The following EEF2K variants were observed in gnomAD, a reference collection of about 807,000 sequenced individuals.
EEF2K encodes alternative protein EEF2K.
EEF2K carries 70 observed loss-of-function variants against 93.8 expected under a neutral mutation model. The ratio of observed to expected loss-of-function variants is 0.75; its 90% confidence interval spans 0.62 to 0.91. The LOEUF (loss-of-function observed/expected upper bound fraction) is 0.91, where lower values mean the gene tolerates loss of function less well. EEF2K is among the 40% of genes least tolerant of loss of function. The pLI is 0.00. For synonymous variants in EEF2K, 376 were observed against 380.8 expected (o/e 0.99, Z 0.15); for missense variants, 935 against 972.9 (o/e 0.96, Z 0.52).
At chr16:22,269,236 C>T (rs969740976) in intron 15 of EEF2K, among the ~76,000 whole-genome samples, 2 of 151,994 alleles carry the variant, frequency 1.3e-5, no homozygotes, top group African/African-American at 2.4e-5. Flanking sequence ...CTTGTTTCTT[C>T]GGGCTTCTGG....
chr16:22,233,859 C>T (rs1203269041), intron 2 of EEF2K, among the ~76,000 whole-genome samples: 1 of 152,174 alleles, frequency 6.6e-6, no homozygotes, highest in African/African-American at 2.4e-5. Flanking sequence ...TCAAGTGATC[C>T]TCCCACCTCA....
At chr16:22,235,149 G>A (rs1006789177) in intron 2 of EEF2K, among the ~76,000 whole-genome samples, 1 of 151,846 alleles carries the variant, frequency 6.6e-6, no homozygotes, top group Non-Finnish European at 1.5e-5. Flanking sequence ...GGGAGGCAGA[G>A]ATTGCAGTGA....
At chr16:22,265,671 G>A (rs942448732) in intron 13 of EEF2K, among the ~76,000 whole-genome samples, 2 of 152,272 alleles carry the variant, frequency 1.3e-5, no homozygotes, top group Admixed American at 6.5e-5. Context: ...TCCTTGTTGA[G>A]GGGGCTACCC....
intron 1 of EEF2K, among the ~76,000 whole-genome samples, chr16:22,216,737 A>G (rs761182898): frequency 6.6e-6 from 1 of 152,116 alleles, no homozygotes; most frequent in South Asian, 2.1e-4. Context: ...GTAATAAATA[A>G]ATAAAGGAAC....
At chr16:22,248,641 GAGTGGGTTGGTTCTGAGGTC>G in intron 3 of EEF2K, 94 bp from the exon 4 acceptor site, 1 of 1,279,022 alleles carries the variant, frequency 7.8e-7, no homozygotes, top group South Asian at 1.3e-5. Flanking sequence ...CCAAGGTGGA[GAGTGGGTTGGTTCTGAGGTC>G]AGTGGGGAGC....
intron 4 of EEF2K, 106 bp downstream of exon 4, chr16:22,248,921 T>C: frequency 8.3e-7 from 1 of 1,201,734 alleles, no homozygotes; most frequent in Non-Finnish European, 1.2e-6. Context: ...ATTTAATTTT[T>C]GTAACTTCGG....
At chr16:22,216,367 G>T (rs1231709898) in intron 1 of EEF2K, among the ~76,000 whole-genome samples, 7 of 152,168 alleles carry the variant, frequency 4.6e-5, no homozygotes. Context: ...CACCTGGTGT[G>T]CAGTCAGTCT....
intron 17 of EEF2K, among the ~76,000 whole-genome samples, chr16:22,281,058 C>T (rs2047688588): frequency 6.6e-6 from 1 of 152,100 alleles, no homozygotes; most frequent in South Asian, 2.1e-4. Flanking sequence ...CCTCAGCCTC[C>T]TGCATAGCTG....
At chr16:22,259,097 G>T (rs2047437948) in intron 10 of EEF2K, among the ~76,000 whole-genome samples, 3 of 152,150 alleles carry the variant, frequency 2.0e-5, no homozygotes. Context: ...GTTAAATAGG[G>T]ATTTCACAGG....
Position 22,287,145 on chromosome 16 carries a change from G to A in EEF2K, c.*3149G>A, listed in dbSNP as rs1221410123. 3 of 152,414 alleles carry A rather than the reference G, an allele frequency of 2.0e-5. No homozygotes were observed. Among genetic ancestry groups the A allele is most frequent in the African/African-American group, 7.2e-5 (3 of 41,460 alleles). The allele number at this position is 152,414 out of a possible 1,614,324, so 9.4% of individuals were successfully genotyped here. ...GGAGGCTGAGGTGGGCGGATCACCT[G>A]AAGTCAGCTACTCGGGAGGCTGAGG... On this transcript the variant is annotated 3_prime_UTR_variant, in exon 18 of 18. Transcript: ENST00000263026.
In EEF2K at chr16:22,266,809, C is replaced by T. The variant is rs1416817317; in HGVS notation, c.1697C>T (p.Ala566Val). The T allele has an allele frequency of 6.2e-7, 1 of 1,614,180 alleles. No individual in the cohort carries two copies. Among genetic ancestry groups the T allele is most frequent in the South Asian group, 1.1e-5 (1 of 91,084 alleles). Residue 566 changes from alanine to valine, a missense_variant, in exon 15 of 18, where the codon GCC (alanine) becomes GTC (valine). By Grantham distance (64) the Ala-to-Val change is moderately conservative. Coordinates refer to ENST00000263026, the MANE Select transcript of EEF2K (RefSeq NM_013302.5). The stretch of plus-strand genomic sequence containing the variant: ...GCAGCCAACCTGGGCGAGCTGGAGG[C>T]CATCGTGGGCCTGGGACTCATGTAC... ...EHAANLGELE[A>V]IVGLGLMYSQ...
In EEF2K at chr16:22,280,268, G is replaced by A. The variant is rs746995048; in HGVS notation, c.1960G>A (p.Gly654Ser). 3.9e-5 allele frequency: 63 copies of A among 1,607,296 alleles called. 1 individual carries two copies. The highest frequency in any genetic ancestry group is 1.4e-4 in the East Asian group (6 of 44,250). ...ALEMTDCDEGGEYDGMQDEPR... is the reference protein window; with the variant it reads ...ALEMTDCDEGSEYDGMQDEPR... ...GGAGATGACGGACTGTGATGAGGGC[G>A]GTGAGTACGACGGAATGCAGGACGA... The change falls in exon 17 of 18, where the codon GGT (glycine) becomes AGT (serine). Residue 654 changes from glycine (G) to serine (S), a missense_variant. Physicochemically the swap from Gly to Ser is moderately conservative, Grantham distance 56 (BLOSUM62 0). Coordinates refer to ENST00000263026, the MANE Select transcript of EEF2K (RefSeq NM_013302.5).
intron 15 of EEF2K, among the ~76,000 whole-genome samples, chr16:22,268,248 G>A (rs9939743): frequency 0.071 from 10,795 of 151,772 alleles, 1,257 homozygotes; most frequent in African/African-American, 0.25. Flanking sequence ...GTGCGATCTC[G>A]GCTCAATGCA....
chr16:22,267,455 C>T (rs1008616871), intron 15 of EEF2K, among the ~76,000 whole-genome samples: 4 of 151,948 alleles, frequency 2.6e-5, no homozygotes, highest in African/African-American at 4.8e-5. Context: ...GTTAGCCGGA[C>T]GTGGTGGCAC....
chr16:22,219,128 G>A (rs2046988774), intron 1 of EEF2K, among the ~76,000 whole-genome samples: 1 of 152,088 alleles, frequency 6.6e-6, no homozygotes. Context: ...ACCCCTAGGA[G>A]GCTGGGCATC....
Position 22,257,255 on chromosome 16 carries a change from C to T in EEF2K, c.771C>T (p.Ala257=), listed in dbSNP as rs755634334. The change falls in exon 8 of 18, where the codon GCC becomes GCT. Residue 257 remains alanine, a splice_region_variant and synonymous_variant. Coordinates refer to ENST00000263026, the MANE Select transcript of EEF2K (RefSeq NM_013302.5). ...RDDNIRLTPQ[A]FSHFTFERSG... The stretch of plus-strand genomic sequence containing the variant: ...GTTTTCCTTCCTGTCCCCTGTAGGC[C>T]TTCAGCCACTTCACTTTTGAGCGTT... 2 of 1,614,182 alleles carry T rather than the reference C, an allele frequency of 1.2e-6. No individual in the cohort carries two copies. Among genetic ancestry groups the T allele is most frequent in the Admixed American group, 1.7e-5 (1 of 60,022 alleles).
Position 22,266,720 on chromosome 16 carries a change from T to C in EEF2K, c.1608T>C (p.Gly536=), listed in dbSNP as rs142023591. 8 of 1,612,858 alleles carry C rather than the reference T, an allele frequency of 5.0e-6. 1 individual carries two copies. The African/African-American group carries it at 5.3e-5, about 11-fold the overall frequency. Residue 536 remains glycine (G), a synonymous_variant, in exon 15 of 18, where the codon GGT becomes GGC. Coordinates refer to ENST00000263026, the MANE Select transcript of EEF2K (RefSeq NM_013302.5). ...TGGCCATGGTGCGCTACCACGAGGGTGGGCGCTTCTGCGAGAAGGGCGAGG... is the reference window on the plus strand; with the variant it reads ...TGGCCATGGTGCGCTACCACGAGGGCGGGCGCTTCTGCGAGAAGGGCGAGG... ...VHLAMVRYHE[G]GRFCEKGEEW...
rs1598194023 is a variant in EEF2K at position 22,258,812 on chromosome 16, C to T, written c.1231+117C>T. On this transcript the variant is annotated intron_variant, in intron 10 of 17. Transcript: ENST00000263026. ...CATGCTAATCGAAAAGGTTCATGGC[C>T]CCAGTGGTTTTATAGGTGAGTTTCA... 4.3e-6 allele frequency: 6 copies of T among 1,392,712 alleles called. No homozygotes were observed. The East Asian group carries it at 7.1e-5, about 17-fold the overall frequency. 86.3% of individuals were successfully genotyped at this position (1,392,712 alleles called of 1,614,324 possible).
At chr16:22,270,817 T>C (rs942408985) in intron 15 of EEF2K, among the ~76,000 whole-genome samples, 1 of 152,080 alleles carries the variant, frequency 6.6e-6, no homozygotes, top group Non-Finnish European at 1.5e-5. Flanking sequence ...AGTTTTTGTT[T>C]CATGATGGTG....
Sources: allele counts gnomAD v4.1 joint callset (sites outside exome capture counted in the v4.1 genomes callset), GRCh38; gene constraint gnomAD v4.1.1; transcripts MANE v1.5; gene names NCBI Gene and HGNC (gene_info 2026-07-23, HGNC 2026-07-21).